Variants in SMC6 observed in about 807,000 individuals in gnomAD.
SMC6 encodes structural maintenance of chromosomes 6.
A neutral mutation model predicts 142.2 loss-of-function variants in SMC6; 79 were observed. That is an observed-to-expected ratio of 0.56 (90% CI 0.46 to 0.67). SMC6 has a LOEUF of 0.67. Among genes scored for constraint, SMC6 ranks in the 30% least tolerant of loss-of-function variants. The pLI is 0.00. For missense variants in SMC6, 1,072 were observed against 1,284.0 expected (o/e 0.83, Z 2.52); for synonymous variants, 411 against 412.4 (o/e 1.00, Z 0.04).
chr2:17,672,555 T>C (rs2710655), intron 25 of SMC6, among the ~76,000 whole-genome samples: 39,806 of 152,096 alleles, frequency 0.26, 5,825 homozygotes, highest in Non-Finnish European at 0.33. Flanking sequence ...ATCCCCAGCA[T>C]CTAAGCAAAC....
chr2:17,691,335 T>C (rs1486347710), intron 23 of SMC6, among the ~76,000 whole-genome samples: 1 of 97,250 alleles, frequency 1.0e-5, no homozygotes, highest in Non-Finnish European at 2.0e-5. Flanking sequence ...TGTGTGTGTC[T>C]CTGTGTGTGT....
chr2:17,670,920 G>A (rs1297798802), intron 25 of SMC6, among the ~76,000 whole-genome samples: 1 of 152,064 alleles, frequency 6.6e-6, no homozygotes, highest in Admixed American at 6.5e-5. Context: ...GGAGTGCAAT[G>A]GTGTGATCTT....
chr2:17,752,667 G>T (rs1334579131), intron 2 of SMC6, among the ~76,000 whole-genome samples: 1 of 152,100 alleles, frequency 6.6e-6, no homozygotes, highest in Non-Finnish European at 1.5e-5. Context: ...GTTTCACGTA[G>T]AAATCAAATG....
intron 18 of SMC6, among the ~76,000 whole-genome samples, chr2:17,706,448 G>C (rs1668512563): frequency 6.6e-6 from 1 of 151,576 alleles, no homozygotes; most frequent in South Asian, 2.1e-4. Flanking sequence ...ACATAAAAAT[G>C]ACTAGAAGAA....
intron 16 of SMC6, 64 bp downstream of exon 16, chr2:17,714,797 A>T: frequency 6.6e-7 from 1 of 1,504,618 alleles, no homozygotes; most frequent in Non-Finnish European, 9.1e-7. Context: ...AAGTGTTTTA[A>T]CTCTTTCCAA....
intron 7 of SMC6, among the ~76,000 whole-genome samples, chr2:17,730,048 T>C (rs1669831008): frequency 1.3e-5 from 2 of 152,286 alleles, no homozygotes; most frequent in South Asian, 2.1e-4. Flanking sequence ...TATTGCACAA[T>C]GGATAGAACA....
chr2:17,724,459 T>G (rs1669521483), intron 9 of SMC6, among the ~76,000 whole-genome samples: 2 of 152,166 alleles, frequency 1.3e-5, no homozygotes, highest in Non-Finnish European at 2.9e-5. Context: ...AAGGACAAGC[T>G]ACAAAGTTGA....
chr2:17,734,286 T>C (rs1181967608), intron 5 of SMC6, among the ~76,000 whole-genome samples: 2 of 152,252 alleles, frequency 1.3e-5, no homozygotes, highest in Non-Finnish European at 2.9e-5. Flanking sequence ...TCCCTGCATC[T>C]TTATGGTAAA....
intron 3 of SMC6, among the ~76,000 whole-genome samples, chr2:17,744,547 T>C (rs571782580): frequency 2.5e-4 from 38 of 152,310 alleles, no homozygotes; most frequent in Admixed American, 7.2e-4. Context: ...TGTGTGTGTT[T>C]TTCCTTTCCA....
chr2:17,678,484 C>T (rs1295352274), intron 25 of SMC6, among the ~76,000 whole-genome samples: 2 of 151,776 alleles, frequency 1.3e-5, no homozygotes, highest in African/African-American at 2.4e-5. Context: ...AGAAAAGCAG[C>T]AGGCTGGGCA....
At chr2:17,745,442 T>C (rs935575481) in intron 3 of SMC6, among the ~76,000 whole-genome samples, 1 of 152,204 alleles carries the variant, frequency 6.6e-6, no homozygotes. Context: ...TTTTTGAGGA[T>C]TGGTCCACTT....
At chr2:17,735,572 A>G (rs1353474941) in intron 5 of SMC6, among the ~76,000 whole-genome samples, 1 of 152,244 alleles carries the variant, frequency 6.6e-6, no homozygotes, top group Non-Finnish European at 1.5e-5. Flanking sequence ...AGACTACTGC[A>G]AAGACCCCAA....
intron 27 of SMC6, 21 bp from the exon 28 acceptor site, chr2:17,665,634 T>C: frequency 6.9e-7 from 1 of 1,458,896 alleles, no homozygotes; most frequent in Non-Finnish European, 9.4e-7. Flanking sequence ...CAAAATCAAT[T>C]ACTCAAATTT....
intron 16 of SMC6, chr2:17,713,376 T>C (rs368308451): frequency 2.3e-6 from 1 of 436,328 alleles, no homozygotes; most frequent in Non-Finnish European, 4.7e-6. Context: ...TCTCAGCACA[T>C]AAACTCACCT....
chr2:17,668,326 C>A (rs1409948415), intron 26 of SMC6, among the ~76,000 whole-genome samples: 1 of 152,092 alleles, frequency 6.6e-6, no homozygotes, highest in Non-Finnish European at 1.5e-5. Flanking sequence ...GCAATAGTAT[C>A]ATAGAAAAAA....
chr2:17,670,421 A>T lies in SMC6; in HGVS notation c.3063+2T>A. 1 of 1,611,404 alleles carries T rather than the reference A, an allele frequency of 6.2e-7. No individual in the cohort carries two copies. The highest frequency in any genetic ancestry group is 8.5e-7 in the Non-Finnish European group (1 of 1,178,886). On this transcript the variant is annotated splice_donor_variant, in intron 26 of 27. Transcript: ENST00000448223. LOFTEE classifies it high-confidence loss of function. The stretch of plus-strand genomic sequence containing the variant: ...AAAAGAGAATTTAAAATTTAACAAT[A>T]CCATGTAGACATCAAATTCATCCAG...
At position 17,747,853 on chromosome 2, in the gene SMC6, G is replaced by A. The variant is rs1036682635; in HGVS notation, c.-5-1902C>T. 4.6e-5 allele frequency among the ~76,000 whole-genome samples: 7 copies of A among 152,124 alleles called. 1 individual carries two copies. The highest frequency in any genetic ancestry group is 1.5e-5 in the Non-Finnish European group (1 of 68,012). ...GGGACACACAGTATATATTCCATCA[G>A]TCACAGCAATGACATCTCACAAGCC... On this transcript the variant is annotated intron_variant, in intron 2 of 27. Coordinates refer to ENST00000448223, the MANE Select transcript of SMC6 (RefSeq NM_001142286.2).
chr2:17,679,039 C>T, intron 24 of SMC6, 75 bp from the exon 25 acceptor site: 1 of 983,754 alleles, frequency 1.0e-6, no homozygotes, highest in Non-Finnish European at 1.5e-6. Flanking sequence ...ATGATCTAAG[C>T]ATGTGAGAAA....
At chr2:17,697,041 A>G (rs942520047) in intron 21 of SMC6, among the ~76,000 whole-genome samples, 1 of 152,154 alleles carries the variant, frequency 6.6e-6, no homozygotes, top group African/African-American at 2.4e-5. Flanking sequence ...CAAAGGAAGG[A>G]CATAAAGAGG....
Sources: allele counts gnomAD v4.1 joint callset (sites outside exome capture counted in the v4.1 genomes callset), GRCh38; gene constraint gnomAD v4.1.1; transcripts MANE v1.5; gene names NCBI Gene and HGNC (gene_info 2026-07-23, HGNC 2026-07-21).